RALGDS: variants seen among roughly 807,000 people sequenced by gnomAD.
The protein encoded by RALGDS is ral guanine nucleotide dissociation stimulator, also known as ral guanine nucleotide exchange factor.
Under a neutral mutation model 99.8 loss-of-function variants are expected in RALGDS, and 44 were observed. The ratio of observed to expected loss-of-function variants is 0.44; its 90% CI spans 0.35 to 0.57. The LOEUF (loss-of-function observed/expected upper bound fraction) is 0.57. Ranked by LOEUF, RALGDS falls within the 20% of genes least tolerant of loss-of-function variation. RALGDS has a pLI of 0.01. For missense variants in RALGDS, 1,022 were observed against 1,203.1 expected, an observed-to-expected ratio of 0.85 and a Z score of 2.23; for synonymous variants, 529 against 505.0, an observed-to-expected ratio of 1.05 and a Z score of -0.64.
At chr9:133,133,193 C>T (rs78010380), upstream of RALGDS, among the ~76,000 whole-genome samples, 181 of 152,356 alleles carry the variant, frequency 1.2e-3, no homozygotes, top group African/African-American at 4.2e-3. Flanking sequence ...GTCAGCCTGG[C>T]CTCAGGGCCT....
intron 1 of RALGDS, among the ~76,000 whole-genome samples, chr9:133,114,250 C>T (rs758572318): frequency 2.0e-5 from 3 of 152,188 alleles, no homozygotes; most frequent in African/African-American, 4.8e-5. Flanking sequence ...GTCGGGGAGA[C>T]GCTCTAGCCC....
chr9:133,113,414 G>A (rs1831444113), intron 1 of RALGDS, among the ~76,000 whole-genome samples: 2 of 152,172 alleles, frequency 1.3e-5, no homozygotes, highest in Admixed American at 1.3e-4. Context: ...CCTCCGACCT[G>A]AGGTCGCCTC....
At chr9:133,134,404 T>G (rs1442799715), upstream of RALGDS, among the ~76,000 whole-genome samples, 3 of 152,124 alleles carry the variant, frequency 2.0e-5, no homozygotes, top group African/African-American at 7.2e-5. Flanking sequence ...CACACCTCAA[T>G]GGGGACAAAG....
chr9:133,130,807 G>T, intron 1 of RALGDS: 1 of 774,558 alleles, frequency 1.3e-6, no homozygotes, highest in Non-Finnish European at 2.0e-6. Context: ...GATCTCACAG[G>T]AAAAGTGTCT....
intron 8 of RALGDS, 121 bp from the exon 9 acceptor site, chr9:133,106,137 C>T (rs1309029040): frequency 9.3e-6 from 7 of 753,934 alleles, no homozygotes; most frequent in Admixed American, 6.2e-5. Flanking sequence ...ACACAGGGTA[C>T]CCCAGAGCAC....
upstream of RALGDS, among the ~76,000 whole-genome samples, chr9:133,133,607 C>T (rs1832379961): frequency 6.6e-6 from 1 of 152,214 alleles, no homozygotes; most frequent in South Asian, 2.1e-4. Flanking sequence ...CCCACCGCAA[C>T]TCTGGCTGCC....
At chr9:133,106,521 A>G (rs1311601487) in intron 8 of RALGDS, 124 bp downstream of exon 8, 5 of 718,934 alleles carry the variant, frequency 7.0e-6, no homozygotes, top group Non-Finnish European at 1.2e-5. Flanking sequence ...GCTGCTGCCA[A>G]CTCAGGTCAG....
Position 133,112,036 on chromosome 9 carries a change from A to C in RALGDS, c.294+6T>G. The C allele has an allele frequency of 6.4e-7, 1 of 1,564,562 alleles. No homozygotes were observed. Among genetic ancestry groups the C allele is most frequent in the Non-Finnish European group, 8.7e-7 (1 of 1,153,320 alleles). On this transcript the variant is annotated splice_donor_region_variant and intron_variant, in intron 2 of 17. Transcript: ENST00000372050. The stretch of plus-strand genomic sequence containing the variant: ...GTCTCCCAGTGGAGACCCCGAGCGC[A>C]CTCACCCCGAGCCAGCGCTGCCCCT...
chr9:133,112,111 G>GA lies in RALGDS; in HGVS notation c.224dup (p.Ile76HisfsTer25). On this transcript the variant is annotated frameshift_variant, in exon 2 of 18. Transcript: ENST00000372050. LOFTEE classifies it high-confidence loss of function. ...CCTTGCGCAGGGAGATGGAGTAGAT[G>GA]ACTCCGTTGATCAGCTCCTCACCGA... 1 of 1,582,502 alleles carries GA rather than the reference G, an allele frequency of 6.3e-7. No homozygotes were observed. Among genetic ancestry groups the GA allele is most frequent in the Non-Finnish European group, 8.6e-7 (1 of 1,163,396 alleles).
At chr9:133,146,004 C>T (rs1027926852) in intron 1 of RALGDS, among the ~76,000 whole-genome samples, 4 of 152,182 alleles carry the variant, frequency 2.6e-5, no homozygotes, top group African/African-American at 4.8e-5. Flanking sequence ...GAATACAAGT[C>T]GGACAGGCTG....
At chr9:133,110,612 A>T in intron 2 of RALGDS, 123 bp from the exon 3 acceptor site, 1 of 847,506 alleles carries the variant, frequency 1.2e-6, no homozygotes, top group Non-Finnish European at 1.9e-6. Flanking sequence ...CTCTAGCAGA[A>T]AAAGGTTATC....
chr9:133,108,343 C>A lies in RALGDS; in HGVS notation c.842G>T (p.Arg281Leu). ...PELELALTPA[R>L]APSPVPAPAP... is the part of the protein sequence containing the mutation. ...TGGAGCCGGCACTGGGCTGGGTGCT[C>A]GAGCTGGTGTTAGAGCTAGCTCGAG... is the stretch of plus-strand genomic sequence containing the variant. The change falls in exon 6 of 18, where the codon CGA becomes CTA. Residue 281 changes from arginine to leucine, a missense_variant. Physicochemically the swap from Arg to Leu is moderately radical, Grantham distance 102. This residue lies in a region of RALGDS where 825 missense variants were observed against 994.5 expected (regional missense o/e 0.83). Transcript: ENST00000372050. 6.5e-7 allele frequency: 1 copy of A among 1,541,284 alleles called. No homozygotes were observed. Among genetic ancestry groups the A allele is most frequent in the South Asian group, 1.2e-5 (1 of 84,278 alleles).
rs1830879862 is a variant in RALGDS at position 133,103,850 on chromosome 9, G to A, written c.1672-17C>T. ...GATGATGCCCTGTGACATTGGGGTA[G>A]GAGGATGAGCAAGGCCCCTCCCCTG... On this transcript the variant is annotated splice_polypyrimidine_tract_variant and intron_variant, in intron 10 of 17. Coordinates refer to ENST00000372050, the MANE Select transcript of RALGDS (RefSeq NM_006266.4). 1 of 1,610,104 alleles carries A rather than the reference G, an allele frequency of 6.2e-7. No homozygotes were observed. Among genetic ancestry groups the A allele is most frequent in the Non-Finnish European group, 8.5e-7 (1 of 1,177,366 alleles).
At chr9:133,106,270 C>A (rs1831049974) in intron 8 of RALGDS, among the ~76,000 whole-genome samples, 1 of 151,974 alleles carries the variant, frequency 6.6e-6, no homozygotes, top group South Asian at 2.1e-4. Flanking sequence ...TTTCAGTCAC[C>A]CAGGCTGGAG....
At chr9:133,101,832 G>A in intron 15 of RALGDS, 70 bp from the exon 16 acceptor site, 3 of 1,554,328 alleles carry the variant, frequency 1.9e-6, no homozygotes, top group Non-Finnish European at 1.7e-6. Context: ...TGCCAGATGG[G>A]GAACCTTCTA....
In RALGDS at chr9:133,098,499, C is replaced by T. The variant is rs1830597301; in HGVS notation, c.*88G>A. 2 of 1,387,494 alleles carry T rather than the reference C, an allele frequency of 1.4e-6. No homozygotes were observed. The highest frequency in any genetic ancestry group is 1.4e-5 in the African/African-American group (1 of 70,434). The allele number at this position is 1,387,494 out of a possible 1,614,324, so 85.9% of individuals were successfully genotyped here. ...TGGAGTCTGGGGTACCCTGGGCTGGCAGGTGGGAGGAAGGCGCCCAGCTGG... is the reference window on the plus strand; with the variant it reads ...TGGAGTCTGGGGTACCCTGGGCTGGTAGGTGGGAGGAAGGCGCCCAGCTGG... On this transcript the variant is annotated 3_prime_UTR_variant, in exon 18 of 18. Coordinates refer to ENST00000372050, the MANE Select transcript of RALGDS (RefSeq NM_006266.4).
At chr9:133,116,298 G>A (rs1469383181) in intron 1 of RALGDS, among the ~76,000 whole-genome samples, 1 of 152,266 alleles carries the variant, frequency 6.6e-6, no homozygotes, top group Admixed American at 6.5e-5. Context: ...AGCCCACAGA[G>A]GCGGCCTCAG....
Position 133,111,953 on chromosome 9 carries a change from T to C in RALGDS, c.294+89A>G, listed in dbSNP as rs1831364309. 5.0e-6 allele frequency: 5 copies of C among 1,003,582 alleles called. No homozygotes were observed. The East Asian group carries it at 1.3e-4, about 26-fold the overall frequency. 62.2% of individuals were successfully genotyped at this position (1,003,582 alleles called of 1,614,324 possible). On this transcript the variant is annotated intron_variant, in intron 2 of 17. Transcript: ENST00000372050. ...GGGAAGGGAGTGAAGGCCGTTTCCTTTGGGATCAGAACTGGGGGCCCTCAA... is the reference window on the plus strand; with the variant it reads ...GGGAAGGGAGTGAAGGCCGTTTCCTCTGGGATCAGAACTGGGGGCCCTCAA...
At chr9:133,108,515 G>GTA in intron 5 of RALGDS, 109 bp from the exon 6 acceptor site, 2 of 1,411,036 alleles carry the variant, frequency 1.4e-6, no homozygotes, top group Non-Finnish European at 1.9e-6. Flanking sequence ...CCCACAAAAC[G>GTA]TGTACCAGGC....
Sources: allele counts gnomAD v4.1 joint callset (sites outside exome capture counted in the v4.1 genomes callset), GRCh38; gene constraint gnomAD v4.1.1; regional missense constraint gnomAD v4.1.1; transcripts MANE v1.5; gene names NCBI Gene and HGNC (gene_info 2026-07-23, HGNC 2026-07-21).